CARS2: variants seen among roughly 807,000 people sequenced by gnomAD.
CARS2 encodes cysteinyl-tRNA synthetase 2, mitochondrial.
A neutral mutation model predicts 68.8 loss-of-function variants in CARS2; 52 were observed. The ratio of observed to expected loss-of-function variants is 0.76; its 90% CI spans 0.61 to 0.95. The LOEUF (loss-of-function observed/expected upper bound fraction) is 0.95, where lower values mean the gene tolerates loss of function less well. Ranked by LOEUF, CARS2 falls within the 40% of genes least tolerant of loss-of-function variation. The pLI, the probability that CARS2 is intolerant of heterozygous loss-of-function variation, is 0.00. For synonymous variants in CARS2, 314 were observed against 303.6 expected, an observed-to-expected ratio of 1.03 and a Z score of -0.36; for missense variants, 780 against 754.2, an observed-to-expected ratio of 1.03 and a Z score of -0.40.
intron 9 of CARS2, among the ~76,000 whole-genome samples, chr13:110,657,564 A>G (rs1267947601): frequency 6.6e-6 from 1 of 152,242 alleles, no homozygotes; most frequent in Non-Finnish European, 1.5e-5. Flanking sequence ...ACAATACACT[A>G]AATAAATATA....
chr13:110,641,689 A>G, intron 14 of CARS2, 81 bp from the exon 15 acceptor site: 1 of 1,150,682 alleles, frequency 8.7e-7, no homozygotes, highest in East Asian at 2.3e-5. Context: ...AATCAGGTTC[A>G]GGGTGCCTGT....
chr13:110,642,902 G>A (rs769475649), intron 13 of CARS2: 62 of 444,028 alleles, frequency 1.4e-4, no homozygotes, highest in Non-Finnish European at 1.8e-4. Context: ...GCGACTGAGC[G>A]CTTGCACACG....
At chr13:110,667,316 A>T (rs200919485) in intron 8 of CARS2, 24 bp downstream of exon 8, 5 of 1,595,090 alleles carry the variant, frequency 3.1e-6, no homozygotes, top group Non-Finnish European at 2.6e-6. Flanking sequence ...AAACAGAACA[A>T]ATTAATCTGA....
chr13:110,679,350 C>T (rs937625395), intron 6 of CARS2, among the ~76,000 whole-genome samples: 2 of 151,496 alleles, frequency 1.3e-5, no homozygotes, highest in Non-Finnish European at 1.5e-5. Context: ...ACCAATATGA[C>T]GAAACCTCGT....
chr13:110,699,991 A>G (rs948520857), intron 3 of CARS2, among the ~76,000 whole-genome samples: 1 of 151,846 alleles, frequency 6.6e-6, no homozygotes, highest in African/African-American at 2.4e-5. Context: ...GACTTCTGCT[A>G]CCCGCCACAA....
intron 10 of CARS2, among the ~76,000 whole-genome samples, chr13:110,649,929 GAC>G (rs1566651097): frequency 1.9e-5 from 2 of 106,082 alleles, no homozygotes; most frequent in Non-Finnish European, 1.8e-5. Context: ...TCTGGATAAC[GAC>G]TTTTTTTTTT....
At chr13:110,691,257 C>A (rs1469917426) in intron 3 of CARS2, among the ~76,000 whole-genome samples, 2 of 152,170 alleles carry the variant, frequency 1.3e-5, no homozygotes, top group African/African-American at 4.8e-5. Flanking sequence ...CTCAGGTGAT[C>A]CACCTTCCTC....
intron 2 of CARS2, among the ~76,000 whole-genome samples, chr13:110,704,858 A>G (rs1342345030): frequency 6.6e-6 from 1 of 152,224 alleles, no homozygotes; most frequent in Non-Finnish European, 1.5e-5. Context: ...TTGGAAATGT[A>G]CAAAATATTA....
chr13:110,662,308 C>T (rs886964625), intron 9 of CARS2, among the ~76,000 whole-genome samples: 19 of 151,776 alleles, frequency 1.3e-4, no homozygotes, highest in Admixed American at 3.9e-4. Context: ...CATGCAACCC[C>T]ATGGCCGGCT....
At position 110,680,712 on chromosome 13, in the gene CARS2, G is replaced by T. The variant is rs138409111; in HGVS notation, c.655+2339C>A. 4.1e-3 allele frequency among the ~76,000 whole-genome samples: 621 copies of T among 152,378 alleles called. 7 individuals are homozygous for T. The highest frequency in any genetic ancestry group is 0.035 in the South Asian group (167 of 4,830). On this transcript the variant is annotated intron_variant, in intron 6 of 14. Transcript: ENST00000257347. Reference sequence around the variant, plus strand: ...CGAAATCCCACTGGGGGAACCGTGAGACACATGACGTTTCTCCCTCAAATG... The same window carrying T: ...CGAAATCCCACTGGGGGAACCGTGATACACATGACGTTTCTCCCTCAAATG...
chr13:110,686,183 T>G (rs563019291), intron 5 of CARS2, among the ~76,000 whole-genome samples: 6 of 151,958 alleles, frequency 3.9e-5, no homozygotes, highest in African/African-American at 1.4e-4. Context: ...GGACTCCTTT[T>G]ATGCAGAGAT....
Position 110,713,119 on chromosome 13 carries a change from C to G in CARS2, n.399+18G>C, listed in dbSNP as rs572952972. 3.8e-5 allele frequency: 55 copies of G among 1,430,692 alleles called. 1 individual carries two copies. The highest frequency in any genetic ancestry group is 5.2e-4 in the Middle Eastern group (2 of 3,876). The allele number at this position is 1,430,692 out of a possible 1,614,324, so 88.6% of individuals were successfully genotyped here. A position where few individuals can be genotyped will look rare whatever the true frequency, so the allele number is the denominator to read the frequency against. On this transcript the variant is annotated intron_variant and non_coding_transcript_variant, in intron 1 of 2. Coordinates refer to the CARS2 transcript ENST00000485188. ...GACTTGGGTTTCTAGTAGTAAGAGT[C>G]CGGGGGGCATTACTCACGGTCTCCC...
intron 6 of CARS2, among the ~76,000 whole-genome samples, chr13:110,678,940 C>G (rs973159824): frequency 7.1e-6 from 1 of 140,030 alleles, no homozygotes; most frequent in African/African-American, 2.7e-5. Flanking sequence ...TGCATGGGAA[C>G]CTTCTAACCG....
intron 3 of CARS2, among the ~76,000 whole-genome samples, chr13:110,691,394 G>A (rs1225349986): frequency 6.6e-6 from 1 of 152,010 alleles, no homozygotes; most frequent in African/African-American, 2.4e-5. Flanking sequence ...TCAACTTTAT[G>A]GTTGTTTCAT....
chr13:110,705,754 A>G lies in CARS2; in HGVS notation c.224+116T>C. The G allele has an allele frequency of 1.3e-6, 2 of 1,536,266 alleles. No homozygotes were observed. Among genetic ancestry groups the G allele is most frequent in the Non-Finnish European group, 1.7e-6 (2 of 1,145,160 alleles). ...AGCACCGCGCACCCCCAGCTTCTAG[A>G]ACGGCGCCCTCCATGCAGCTTCCTA... On this transcript the variant is annotated intron_variant, in intron 1 of 14. Transcript: ENST00000257347. The surrounding 1 kb of genome is among the most constrained non-coding windows in gnomAD (Gnocchi z 4.0).
intron 11 of CARS2, 130 bp from the exon 12 acceptor site, chr13:110,646,220 C>T: frequency 9.3e-7 from 1 of 1,077,764 alleles, no homozygotes; most frequent in East Asian, 2.6e-5. Flanking sequence ...GTCATATTCC[C>T]AAAGACTTGA....
chr13:110,651,247 C>A (rs553263880), intron 9 of CARS2, 147 bp from the exon 10 acceptor site: 5 of 570,984 alleles, frequency 8.8e-6, no homozygotes, highest in Non-Finnish European at 1.5e-5. Flanking sequence ...TCCAAACTCA[C>A]AATTACCACC....
rs1041214287 is a variant in CARS2, at chr13:110,653,695, G to T, written c.988-2595C>A. Among the ~76,000 whole-genome samples the T allele has an allele frequency of 1.6e-4, 25 of 152,206 alleles. No homozygotes were observed. Among genetic ancestry groups the T allele is most frequent in the African/African-American group, 5.1e-4 (21 of 41,440 alleles). ...TGCTCTTGCGGGGGCGGGCGCTACT[G>T]CAGCGAGCTATAGTAGTAGTTCTAA... On this transcript the variant is annotated intron_variant, in intron 9 of 14. Coordinates refer to ENST00000257347, the MANE Select transcript of CARS2 (RefSeq NM_024537.4). The surrounding 1 kb of genome is among the most constrained non-coding windows in gnomAD (Gnocchi z 5.6).
At chr13:110,681,218 T>C (rs1187738706) in intron 6 of CARS2, among the ~76,000 whole-genome samples, 1 of 152,186 alleles carries the variant, frequency 6.6e-6, no homozygotes, top group Non-Finnish European at 1.5e-5. Context: ...TTGGACATTT[T>C]TTAATGGTGT....
Sources: allele counts gnomAD v4.1 joint callset (sites outside exome capture counted in the v4.1 genomes callset), GRCh38; gene constraint gnomAD v4.1.1; non-coding constraint Gnocchi (gnomAD v3.1); transcripts MANE v1.5; gene names NCBI Gene and HGNC (gene_info 2026-07-23, HGNC 2026-07-21).